STXBP3: variants seen among roughly 807,000 people sequenced by gnomAD.
STXBP3 encodes syntaxin-binding protein 3.
Under a neutral mutation model 85.7 loss-of-function variants are expected in STXBP3, and 41 were observed. That is an observed-to-expected ratio of 0.48 (90% CI 0.37 to 0.62). The LOEUF is 0.62. Among genes scored for constraint, STXBP3 ranks in the 20% least tolerant of loss-of-function variants. The probability of loss-of-function intolerance (pLI) is 0.00; values close to 1 mark genes in which losing one functional copy is unlikely to be tolerated. For missense variants in STXBP3, 563 were observed against 703.1 expected (o/e 0.80, Z 2.25); for synonymous variants, 229 against 231.7 (o/e 0.99, Z 0.10).
intron 16 of STXBP3, 96 bp downstream of exon 16, chr1:108,798,333 G>A: frequency 1.1e-6 from 1 of 896,844 alleles, no homozygotes; most frequent in Admixed American, 2.8e-5. Flanking sequence ...TATGTATTGG[G>A]CAGGAAGTTT....
At chr1:108,795,866 T>G (rs1663078842) in intron 13 of STXBP3, among the ~76,000 whole-genome samples, 1 of 152,212 alleles carries the variant, frequency 6.6e-6, no homozygotes, top group Admixed American at 6.5e-5. Flanking sequence ...TTTTGTGTGT[T>G]TGTTTTTTGT....
chr1:108,772,911 G>A, intron 7 of STXBP3, 92 bp downstream of exon 7: 2 of 1,243,586 alleles, frequency 1.6e-6, no homozygotes, highest in Non-Finnish European at 2.1e-6. Context: ...ATGTTGGTTT[G>A]CAAAATTTAT....
chr1:108,782,182 CT>C, intron 9 of STXBP3: 1 of 381,922 alleles, frequency 2.6e-6, no homozygotes, highest in East Asian at 4.4e-5. Flanking sequence ...TGAACTAAAA[CT>C]CTAATAATGG....
chr1:108,758,438 A>C (rs1024879006), intron 4 of STXBP3, 72 bp from the exon 5 acceptor site: 2 of 657,628 alleles, frequency 3.0e-6, no homozygotes, highest in African/African-American at 3.9e-5. Context: ...AAATAATCTT[A>C]GTCATTTCAA....
rs537654619 is a variant in STXBP3, at chr1:108,748,958, G to A, written c.49+2172G>A. On this transcript the variant is annotated intron_variant, in intron 1 of 18. Transcript: ENST00000370008. ...TTTAGATTTTATTCTATAAGCAAGAGTGAGCATTTGAGGGAATTTCGAGGT... is the reference window on the plus strand; with the variant it reads ...TTTAGATTTTATTCTATAAGCAAGAATGAGCATTTGAGGGAATTTCGAGGT... Among the ~76,000 whole-genome samples the A allele has an allele frequency of 4.7e-4, 72 of 152,354 alleles. No individual in the cohort carries two copies. The Middle Eastern group carries it at 0.014, about 29-fold the overall frequency.
intron 6 of STXBP3, among the ~76,000 whole-genome samples, chr1:108,766,453 T>C (rs2101111299): frequency 6.6e-6 from 1 of 152,314 alleles, no homozygotes; most frequent in Non-Finnish European, 1.5e-5. Flanking sequence ...ATATCTATTT[T>C]TAAGCCAGAA....
At chr1:108,775,510 CT>C (rs748095982) in intron 7 of STXBP3, among the ~76,000 whole-genome samples, 26 of 152,016 alleles carry the variant, frequency 1.7e-4, no homozygotes, top group Non-Finnish European at 3.4e-4. Flanking sequence ...CTTACTCATT[CT>C]ACCTATATTT....
At chr1:108,757,664 T>C (rs2101105072) in intron 4 of STXBP3, among the ~76,000 whole-genome samples, 1 of 152,174 alleles carries the variant, frequency 6.6e-6, no homozygotes, top group East Asian at 1.9e-4. Context: ...GAAACTGCCA[T>C]ATACTGCTAG....
In STXBP3 at chr1:108,771,592, ATC is replaced by A. The variant is rs1257357513; in HGVS notation, c.439-1072_439-1071del. ...ATATATATGATATATATCTATATAT[ATC>A]ATATATAAATATATATGATATATAT... On this transcript the variant is annotated intron_variant, in intron 6 of 18. Coordinates refer to ENST00000370008, the MANE Select transcript of STXBP3 (RefSeq NM_007269.4). 1.2e-4 allele frequency among the ~76,000 whole-genome samples: 7 copies of A among 58,776 alleles called. 1 individual carries two copies. Among genetic ancestry groups the A allele is most frequent in the East Asian group, 6.2e-4 (2 of 3,238 alleles). The allele number at this position is 58,776 out of a possible 152,430, so 38.6% of individuals were successfully genotyped here.
rs1236137145 is a variant in STXBP3 at position 108,758,558 on chromosome 1, T to G, written c.307T>G (p.Tyr103Asp). Residue 103 changes from tyrosine (Y) to aspartate (D), a missense_variant, in exon 5 of 19, where the codon TAT becomes GAT. Coordinates refer to ENST00000370008, the MANE Select transcript of STXBP3 (RefSeq NM_007269.4). ...TTTTGCAAGTAAATCGGAGAACAAG[T>G]ATAAAGCAGCATATATTTACTTCAC... is the stretch of plus-strand genomic sequence containing the variant. ...HDFASKSENKYKAAYIYFTDF... is the reference protein window; with the variant it reads ...HDFASKSENKDKAAYIYFTDF... 1 of 1,543,044 alleles carries G rather than the reference T, an allele frequency of 6.5e-7. No individual in the cohort carries two copies. The highest frequency in any genetic ancestry group is 8.8e-7 in the Non-Finnish European group (1 of 1,140,276).
At chr1:108,769,598 G>C (rs182493116) in intron 6 of STXBP3, among the ~76,000 whole-genome samples, 149 of 152,148 alleles carry the variant, frequency 9.8e-4, no homozygotes, top group African/African-American at 3.4e-3. Context: ...GCTGATTATA[G>C]GTTTATAAAG....
intron 3 of STXBP3, among the ~76,000 whole-genome samples, chr1:108,756,234 A>T (rs1458589685): frequency 6.6e-6 from 1 of 152,194 alleles, no homozygotes; most frequent in African/African-American, 2.4e-5. Context: ...ATAGGCGTTA[A>T]TTGGCAATTT....
chr1:108,746,891 A>G, intron 1 of STXBP3, 105 bp downstream of exon 1: 1 of 1,160,676 alleles, frequency 8.6e-7, no homozygotes, highest in South Asian at 1.3e-5. Flanking sequence ...AGCCGCCGCG[A>G]GCACTTGTTG....
chr1:108,768,393 C>G (rs774163124), intron 6 of STXBP3, among the ~76,000 whole-genome samples: 17 of 151,998 alleles, frequency 1.1e-4, no homozygotes, highest in Non-Finnish European at 2.9e-5. Flanking sequence ...AGCCACTGCA[C>G]CAGCATTGAG....
At chr1:108,800,110 A>G in intron 16 of STXBP3, 110 bp from the exon 17 acceptor site, 1 of 724,150 alleles carries the variant, frequency 1.4e-6, no homozygotes. Context: ...CTTATACTAA[A>G]TATTTATGTC....
chr1:108,760,656 TA>T (rs1662120647), intron 6 of STXBP3, among the ~76,000 whole-genome samples: 1 of 152,158 alleles, frequency 6.6e-6, no homozygotes, highest in South Asian at 2.1e-4. Flanking sequence ...GCCATAGTAA[TA>T]GATTGTACTT....
At chr1:108,790,970 T>G (rs2101129344) in intron 11 of STXBP3, among the ~76,000 whole-genome samples, 1 of 152,310 alleles carries the variant, frequency 6.6e-6, no homozygotes, top group East Asian at 1.9e-4. Flanking sequence ...CTCAGTAGAC[T>G]TTTATTATTA....
intron 6 of STXBP3, among the ~76,000 whole-genome samples, chr1:108,768,153 C>T (rs1662308979): frequency 6.6e-6 from 1 of 152,146 alleles, no homozygotes; most frequent in African/African-American, 2.4e-5. Context: ...ATTTATTTGA[C>T]ACATTGTAAT....
intron 16 of STXBP3, 26 bp downstream of exon 16, chr1:108,798,263 C>G: frequency 6.7e-7 from 1 of 1,499,756 alleles, no homozygotes; most frequent in Non-Finnish European, 9.2e-7. Context: ...ATGTTTTTTT[C>G]TACCTGAGTG....
Sources: allele counts gnomAD v4.1 joint callset (sites outside exome capture counted in the v4.1 genomes callset), GRCh38; gene constraint gnomAD v4.1.1; transcripts MANE v1.5; gene names NCBI Gene and HGNC (gene_info 2026-07-23, HGNC 2026-07-21).